The following ARB2A variants were observed in gnomAD, a reference collection of about 807,000 sequenced individuals.
ARB2A encodes the protein ARB2 cotranscriptional regulator A.
chr5:93,901,967 C>T, the ARB2A span, among the ~76,000 whole-genome samples: 2 of 152,014 alleles, frequency 1.3e-5, no homozygotes, highest in Non-Finnish European at 2.9e-5. Context: ...AGTGTTTTAA[C>T]TCCTAATATA....
the ARB2A span, among the ~76,000 whole-genome samples, chr5:93,831,261 C>A: frequency 2.2e-5 from 3 of 139,286 alleles, no homozygotes; most frequent in African/African-American, 8.0e-5. Flanking sequence ...CCAGATCAAT[C>A]TTTTTGAAGC....
chr5:93,984,106 A>G, the ARB2A span, among the ~76,000 whole-genome samples: 1 of 152,164 alleles, frequency 6.6e-6, no homozygotes, highest in African/African-American at 2.4e-5. Context: ...TGATAATTAT[A>G]AAGAGAATGT....
the ARB2A span, among the ~76,000 whole-genome samples, chr5:94,049,038 T>A: frequency 6.6e-6 from 1 of 152,126 alleles, no homozygotes; most frequent in Non-Finnish European, 1.5e-5. Flanking sequence ...ACTACTCTAT[T>A]TAAAAACAAA....
chr5:93,909,284 T>C, the ARB2A span, among the ~76,000 whole-genome samples: 1 of 151,104 alleles, frequency 6.6e-6, no homozygotes, highest in Non-Finnish European at 1.5e-5. Flanking sequence ...AGATAATTAA[T>C]GTCAAAGTAT....
the ARB2A span, among the ~76,000 whole-genome samples, chr5:93,762,112 C>T: frequency 3.3e-5 from 5 of 152,136 alleles, no homozygotes. Flanking sequence ...AGAAACAGAG[C>T]AGAAAAACTG....
chr5:93,855,411 C>G, the ARB2A span, among the ~76,000 whole-genome samples: 1 of 152,116 alleles, frequency 6.6e-6, no homozygotes, highest in Non-Finnish European at 1.5e-5. Flanking sequence ...ACTCTTTATC[C>G]AATTTGCCAG....
the ARB2A span, among the ~76,000 whole-genome samples, chr5:94,054,908 T>G: frequency 6.6e-6 from 1 of 152,202 alleles, no homozygotes; most frequent in Non-Finnish European, 1.5e-5. Context: ...CCATGACTAT[T>G]GTAAGCTCCT....
chr5:93,666,528 G>C, the ARB2A span, among the ~76,000 whole-genome samples: 1 of 148,008 alleles, frequency 6.8e-6, no homozygotes, highest in Non-Finnish European at 1.5e-5. Context: ...TTAAATATAG[G>C]AACTTGCAAT....
At chr5:93,931,456 C>T in the ARB2A span, among the ~76,000 whole-genome samples, 1 of 152,146 alleles carries the variant, frequency 6.6e-6, no homozygotes, top group Non-Finnish European at 1.5e-5. Context: ...AAGAGCAAAA[C>T]TCCACCTCAA....
the ARB2A span, chr5:93,805,790 C>G: frequency 3.0e-6 from 3 of 984,998 alleles, no homozygotes; most frequent in East Asian, 2.3e-4. Flanking sequence ...GTCGTTCAGT[C>G]CTATAAACGG....
the ARB2A span, among the ~76,000 whole-genome samples, chr5:94,072,968 C>T: frequency 1.3e-5 from 2 of 152,184 alleles, no homozygotes; most frequent in East Asian, 3.9e-4. Flanking sequence ...ATTTTTCTCA[C>T]CACTAATATA....
At chr5:93,704,570 AC>A in the ARB2A span, among the ~76,000 whole-genome samples, 1 of 152,066 alleles carries the variant, frequency 6.6e-6, no homozygotes, top group Non-Finnish European at 1.5e-5. Context: ...TCTCAAAACC[AC>A]CCCCCAAAAC....
At chr5:93,621,428 C>T in the ARB2A span, among the ~76,000 whole-genome samples, 4 of 152,194 alleles carry the variant, frequency 2.6e-5, no homozygotes, top group Non-Finnish European at 5.9e-5. Flanking sequence ...CGGCCTCAGT[C>T]CCCATCCCTC....
chr5:94,013,669 T>C, the ARB2A span, among the ~76,000 whole-genome samples: 1 of 151,848 alleles, frequency 6.6e-6, no homozygotes, highest in Admixed American at 6.6e-5. Context: ...TAATAGTACA[T>C]GCCAAAATAG....
At chr5:93,824,405 A>C in the ARB2A span, 1 of 477,874 alleles carries the variant, frequency 2.1e-6, no homozygotes, top group Non-Finnish European at 3.4e-6. Flanking sequence ...AATAATATAA[A>C]AGAACTACAT....
the ARB2A span, among the ~76,000 whole-genome samples, chr5:93,711,201 T>G: frequency 8.9e-3 from 1,344 of 151,402 alleles, 13 homozygotes; most frequent in Middle Eastern, 0.024. Flanking sequence ...CTATTTTTTT[T>G]TTTGTTTTTT....
At chr5:94,050,646 T>G in the ARB2A span, 4 of 939,164 alleles carry the variant, frequency 4.3e-6, no homozygotes, top group Non-Finnish European at 6.3e-6. Flanking sequence ...GTAGAAAGAG[T>G]GCATAAACTG....
chr5:94,068,862 C>CAAAAAAAAAAAAAAA, the ARB2A span, among the ~76,000 whole-genome samples: 1 of 62,352 alleles, frequency 1.6e-5, no homozygotes, highest in Non-Finnish European at 2.9e-5. Context: ...ACTAAAAATA[C>CAAAAAAAAAAAAAAA]AAAAAAAAAA....
the ARB2A span, among the ~76,000 whole-genome samples, chr5:93,838,722 G>C: frequency 6.6e-6 from 1 of 152,066 alleles, no homozygotes; most frequent in African/African-American, 2.4e-5. Flanking sequence ...ATTTCTTTGA[G>C]CAGTATATTG....
Sources: gnomAD v4.1 joint callset for allele counts (sites outside exome capture counted in the v4.1 genomes callset) on GRCh38, gnomAD v4.1.1 for gene constraint, MANE v1.5 for transcripts, NCBI Gene and HGNC (gene_info 2026-07-23, HGNC 2026-07-21) for gene names.